Variants in RIN2 observed in about 807,000 individuals in gnomAD.
RIN2 encodes the protein Ras and Rab interactor 2.
Under a neutral mutation model 78.0 loss-of-function variants are expected in RIN2, and 36 were observed. The ratio of observed to expected loss-of-function variants is 0.46; its 90% confidence interval spans 0.35 to 0.61. The LOEUF (loss-of-function observed/expected upper bound fraction) is 0.61. Ranked by LOEUF, RIN2 falls within the 20% of genes least tolerant of loss-of-function variation. The probability of loss-of-function intolerance (pLI) is 0.00; values close to 1 mark genes in which losing one functional copy is unlikely to be tolerated. For missense variants in RIN2, 1,087 were observed against 1,159.7 expected, an observed-to-expected ratio of 0.94 and a Z score of 0.91; for synonymous variants, 466 against 466.8, an observed-to-expected ratio of 1.00 and a Z score of 0.02.
At position 20,001,362 on chromosome 20, in the gene RIN2, C is replaced by CTTTTTTTTTTTTTTTTTTTTTT. The variant is rs57852545; in HGVS notation, c.*431_*452dup. 4.2e-4 allele frequency: 40 copies of CTTTTTTTTTTTTTTTTTTTTTT among 94,232 alleles called. No homozygotes were observed. Among genetic ancestry groups the CTTTTTTTTTTTTTTTTTTTTTT allele is most frequent in the East Asian group, 7.8e-4 (2 of 2,570 alleles). 5.8% of individuals were successfully genotyped at this position (94,232 alleles called of 1,614,324 possible). Reference sequence around the variant, plus strand: ...CCCTGCCTTCCTTCCTTTCTTTTTCCTTTTTTTTTTTTTTTTTTTTTTTTT... The same window carrying CTTTTTTTTTTTTTTTTTTTTTT: ...CCCTGCCTTCCTTCCTTTCTTTTTCCTTTTTTTTTTTTTTTTTTTTTTTTTTTTTTTTTTTTTTTTTTTTTTT... On this transcript the variant is annotated 3_prime_UTR_variant, in exon 13 of 13. Coordinates refer to ENST00000255006, the MANE Select transcript of RIN2 (RefSeq NM_018993.4).
intron 2 of RIN2, among the ~76,000 whole-genome samples, chr20:19,849,571 C>A (rs1287717769): frequency 6.6e-6 from 1 of 152,102 alleles, no homozygotes; most frequent in Non-Finnish European, 1.5e-5. Context: ...GATACAGCTG[C>A]GTTGACACAA....
chr20:19,901,928 A>T (rs2039000506), intron 3 of RIN2, among the ~76,000 whole-genome samples: 2 of 151,358 alleles, frequency 1.3e-5, no homozygotes, highest in Admixed American at 1.3e-4. Context: ...AGGCAGGAGA[A>T]TCACTCGAAC....
intron 1 of RIN2, among the ~76,000 whole-genome samples, chr20:19,764,935 T>TTTTTTTTTGTTG (rs2033818400): frequency 7.4e-6 from 1 of 135,112 alleles, no homozygotes; most frequent in Non-Finnish European, 1.6e-5. Context: ...TTTTTTTTTT[T>TTTTTTTTTGTTG]TTTTTTTTGA....
Position 19,931,600 on chromosome 20 carries a change from G to A in RIN2, c.58-3499G>A, listed in dbSNP as rs1421284565. ...GATATTTTAATATGCAATATGTAAT[G>A]AGCAAATCAGGGTAACTGGGATATC... is the stretch of plus-strand genomic sequence containing the variant. On this transcript the variant is annotated intron_variant, in intron 3 of 12. Coordinates refer to ENST00000255006, the MANE Select transcript of RIN2 (RefSeq NM_018993.4). Among the ~76,000 whole-genome samples, 4 of 152,220 alleles carry A rather than the reference G, an allele frequency of 2.6e-5. No homozygotes were observed. The South Asian group carries it at 6.2e-4, about 24-fold the overall frequency.
At chr20:19,902,015 C>CAAAAA (rs55949901) in intron 3 of RIN2, among the ~76,000 whole-genome samples, 2 of 100,666 alleles carry the variant, frequency 2.0e-5, no homozygotes, top group Non-Finnish European at 3.9e-5. Flanking sequence ...GACTCTGTCT[C>CAAAAA]AAAAAAAAAA....
At chr20:19,916,718 C>G (rs1200979037) in intron 3 of RIN2, among the ~76,000 whole-genome samples, 2 of 152,242 alleles carry the variant, frequency 1.3e-5, no homozygotes, top group African/African-American at 4.8e-5. Flanking sequence ...CCCTGGAGAC[C>G]AACCCTGGAC....
chr20:19,824,686 A>G (rs1010088), intron 2 of RIN2, among the ~76,000 whole-genome samples: 53,737 of 151,930 alleles, frequency 0.35, 9,715 homozygotes, highest in Middle Eastern at 0.45. Context: ...AATCTCTAAA[A>G]GAGAGATTTT....
At chr20:19,997,235 C>T (rs529850327) in intron 12 of RIN2, among the ~76,000 whole-genome samples, 1 of 152,336 alleles carries the variant, frequency 6.6e-6, no homozygotes, top group South Asian at 2.1e-4. Flanking sequence ...GCGATGTCTC[C>T]TTCCCTTTTC....
chr20:19,963,493 C>T (rs4642014), intron 6 of RIN2, among the ~76,000 whole-genome samples: 27,681 of 151,500 alleles, frequency 0.18, 3,512 homozygotes, highest in East Asian at 0.53. Flanking sequence ...CCTGTAATCC[C>T]AGCTACTTGG....
chr20:19,866,030 A>G (rs529507327), intron 2 of RIN2, among the ~76,000 whole-genome samples: 3 of 152,018 alleles, frequency 2.0e-5, no homozygotes, highest in Admixed American at 2.0e-4. Flanking sequence ...TTACATTGTA[A>G]TATATAATTA....
chr20:19,880,266 A>G (rs1006565157), intron 2 of RIN2, among the ~76,000 whole-genome samples: 1 of 151,668 alleles, frequency 6.6e-6, no homozygotes, highest in African/African-American at 2.4e-5. Context: ...AAAAAAAAAA[A>G]AAAATTTCCA....
chr20:19,812,937 C>T (rs565128566), intron 2 of RIN2, among the ~76,000 whole-genome samples: 1 of 152,344 alleles, frequency 6.6e-6, no homozygotes, highest in South Asian at 2.1e-4. Context: ...ACTCAGCTTC[C>T]TCAGCATTGT....
intron 4 of RIN2, among the ~76,000 whole-genome samples, chr20:19,935,906 C>A (rs1027579888): frequency 6.6e-6 from 1 of 152,304 alleles, no homozygotes; most frequent in African/African-American, 2.4e-5. Context: ...ACACTTCGTG[C>A]CTTAGAGGCC....
Position 19,894,664 on chromosome 20 carries a change from A to G in RIN2, c.57+5006A>G, listed in dbSNP as rs562482865. Among the ~76,000 whole-genome samples, 204 of 152,224 alleles carry G rather than the reference A, an allele frequency of 1.3e-3. 1 individual carries two copies. The highest frequency in any genetic ancestry group is 1.8e-3 in the Non-Finnish European group (122 of 68,016). On this transcript the variant is annotated intron_variant, in intron 3 of 12. Transcript: ENST00000255006. ...TTTCCTATCCTATATCCACTTGGCTATTAGTGCTCATGTGACTTTGTGTAA... is the reference window on the plus strand; with the variant it reads ...TTTCCTATCCTATATCCACTTGGCTGTTAGTGCTCATGTGACTTTGTGTAA...
chr20:19,811,944 T>G (rs887295670), intron 2 of RIN2, among the ~76,000 whole-genome samples: 1 of 152,216 alleles, frequency 6.6e-6, no homozygotes, highest in Non-Finnish European at 1.5e-5. Context: ...TATACAGCTT[T>G]CCAGAAACTT....
intron 4 of RIN2, among the ~76,000 whole-genome samples, chr20:19,952,034 A>G (rs149313815): frequency 1.3e-3 from 195 of 152,330 alleles, no homozygotes; most frequent in African/African-American, 4.6e-3. Flanking sequence ...GTGATTCAGA[A>G]GCAGCCTGCC....
chr20:19,886,610 T>C (rs1459815197), intron 2 of RIN2: 6 of 823,250 alleles, frequency 7.3e-6, no homozygotes, highest in Admixed American at 3.0e-5. Context: ...CTTCTTCTTC[T>C]TCTTTTTTTT....
rs2040939510 is a variant in RIN2 at position 19,942,911 on chromosome 20, G to A, written c.158+7712G>A. On this transcript the variant is annotated intron_variant, in intron 4 of 12. Transcript: ENST00000255006. ...CAGAATTGGAGCTATTTTGTGCTCT[G>A]TAGGCTTTGCATTGCTGCTATATTG... Among the ~76,000 whole-genome samples the A allele has an allele frequency of 3.3e-5, 5 of 152,196 alleles. No homozygotes were observed. In the East Asian group the frequency reaches 9.6e-4, roughly 29 times the overall value.
chr20:19,853,947 C>G (rs894611817), intron 2 of RIN2, among the ~76,000 whole-genome samples: 3 of 152,192 alleles, frequency 2.0e-5, no homozygotes, highest in Non-Finnish European at 4.4e-5. Flanking sequence ...GTCATGAAGT[C>G]GTTGCCCATG....
Sources: gnomAD v4.1 joint callset for allele counts (sites outside exome capture counted in the v4.1 genomes callset) on GRCh38, gnomAD v4.1.1 for gene constraint, MANE v1.5 for transcripts, NCBI Gene and HGNC (gene_info 2026-07-23, HGNC 2026-07-21) for gene names.